The following CTNNA3 variants were observed in gnomAD, a reference collection of about 807,000 sequenced individuals.
CTNNA3 encodes catenin alpha 3, also known as catenin alpha-3.
CTNNA3 carries 76 observed loss-of-function variants against 95.7 expected under a neutral mutation model. That is an observed-to-expected ratio of 0.79 (90% CI 0.66 to 0.96). CTNNA3 has a LOEUF of 0.96. Among genes scored for constraint, CTNNA3 ranks in the 40% least tolerant of loss-of-function variants. The pLI is 0.00. For missense variants in CTNNA3, 1,191 were observed against 1,089.8 expected (o/e 1.09, Z -1.31); for synonymous variants, 431 against 374.4 (o/e 1.15, Z -1.74).
At position 67,152,632 on chromosome 10, in the gene CTNNA3, C is replaced by T. The variant is rs193234035; in HGVS notation, c.1047+27685G>A. 7.9e-5 allele frequency among the ~76,000 whole-genome samples: 12 copies of T among 152,222 alleles called. No homozygotes were observed. The East Asian group carries it at 2.3e-3, about 29-fold the overall frequency. Reference sequence around the variant, plus strand: ...AATGCCTCCCAGTATTATAATTACACATTTTTAATTAAATCTCTGTTGATA... The same window carrying T: ...AATGCCTCCCAGTATTATAATTACATATTTTTAATTAAATCTCTGTTGATA... On this transcript the variant is annotated intron_variant, in intron 7 of 17. Coordinates refer to ENST00000433211, the MANE Select transcript of CTNNA3 (RefSeq NM_013266.4).
intron 17 of CTNNA3, among the ~76,000 whole-genome samples, chr10:65,937,057 A>G (rs57070568): frequency 0.021 from 3,179 of 152,082 alleles, 49 homozygotes; most frequent in African/African-American, 0.04. Context: ...TTTAAGTACT[A>G]TTACAGTAGC....
At chr10:66,034,835 T>C (rs1425642295) in intron 15 of CTNNA3, among the ~76,000 whole-genome samples, 1 of 152,184 alleles carries the variant, frequency 6.6e-6, no homozygotes, top group East Asian at 1.9e-4. Flanking sequence ...AGAAAATGAA[T>C]GGTGTACCTG....
intron 12 of CTNNA3, among the ~76,000 whole-genome samples, chr10:66,296,226 G>T (rs373363213): frequency 2.6e-5 from 4 of 152,040 alleles, no homozygotes; most frequent in South Asian, 2.1e-4. Flanking sequence ...TATAGGAAGA[G>T]GCAAGTAGAT....
intron 1 of CTNNA3, among the ~76,000 whole-genome samples, chr10:67,762,201 AAAG>A (rs71006160): frequency 0.47 from 60,451 of 129,310 alleles, 15,057 homozygotes; most frequent in Non-Finnish European, 0.63. Flanking sequence ...AAAAAAAAAA[AAAG>A]ATTATTTCAC....
chr10:66,983,046 C>T (rs1220371372), intron 7 of CTNNA3, among the ~76,000 whole-genome samples: 4 of 152,128 alleles, frequency 2.6e-5, no homozygotes, highest in African/African-American at 9.7e-5. Flanking sequence ...CAGCGACTGC[C>T]GAACTTCCTG....
intron 12 of CTNNA3, among the ~76,000 whole-genome samples, chr10:66,340,233 T>C (rs1024488698): frequency 2.6e-5 from 4 of 151,802 alleles, no homozygotes; most frequent in South Asian, 4.1e-4. Flanking sequence ...ACAATACTTA[T>C]AGCATCCAAA....
At chr10:67,190,301 T>C (rs573803749) in intron 6 of CTNNA3, among the ~76,000 whole-genome samples, 21 of 152,162 alleles carry the variant, frequency 1.4e-4, no homozygotes, top group South Asian at 8.3e-4. Flanking sequence ...GGATGATATA[T>C]ATAATGATAT....
At chr10:67,398,708 A>G (rs1240473446) in intron 5 of CTNNA3, among the ~76,000 whole-genome samples, 1 of 152,128 alleles carries the variant, frequency 6.6e-6, no homozygotes. Flanking sequence ...CCCACGTGTC[A>G]TGGGAGGGTA....
At chr10:67,003,770 G>T (rs1488924530) in intron 7 of CTNNA3, among the ~76,000 whole-genome samples, 5 of 152,166 alleles carry the variant, frequency 3.3e-5, no homozygotes, top group Admixed American at 3.3e-4. Context: ...GTTAACTGGA[G>T]AAATCAATAC....
chr10:67,513,397 A>C (rs1259940203), intron 5 of CTNNA3, among the ~76,000 whole-genome samples: 1 of 152,224 alleles, frequency 6.6e-6, no homozygotes, highest in Non-Finnish European at 1.5e-5. Context: ...ACACTCAAAG[A>C]AGTTCACTCC....
Position 67,173,916 on chromosome 10 carries a change from T to C in CTNNA3, c.1047+6401A>G, listed in dbSNP as rs901503841. Reference sequence around the variant, plus strand: ...TGACCTGCCCCACAGGTATTAGAAATCATGGCTGCCTCTGCTGGAAGGCAA... The same window carrying C: ...TGACCTGCCCCACAGGTATTAGAAACCATGGCTGCCTCTGCTGGAAGGCAA... On this transcript the variant is annotated intron_variant, in intron 7 of 17. Transcript: ENST00000433211. 6.4e-4 allele frequency among the ~76,000 whole-genome samples: 97 copies of C among 152,310 alleles called. 2 individuals carry two copies. The highest frequency in any genetic ancestry group is 2.3e-3 in the African/African-American group (94 of 41,570).
Position 67,219,601 on chromosome 10 carries a change from A to G in CTNNA3, c.843+6T>C, listed in dbSNP as rs763455904. On this transcript the variant is annotated splice_donor_region_variant and intron_variant, in intron 6 of 17. Coordinates refer to ENST00000433211, the MANE Select transcript of CTNNA3 (RefSeq NM_013266.4). Reference sequence around the variant, plus strand: ...CAGATCACACTTTATCTTTCTCCCGACTTACCTCCAGCTCATCAAGGGCAC... The same window carrying G: ...CAGATCACACTTTATCTTTCTCCCGGCTTACCTCCAGCTCATCAAGGGCAC... The G allele has an allele frequency of 1.2e-6, 2 of 1,609,086 alleles. No homozygotes were observed. Among genetic ancestry groups the G allele is most frequent in the Non-Finnish European group, 1.7e-6 (2 of 1,176,708 alleles).
intron 5 of CTNNA3, among the ~76,000 whole-genome samples, chr10:67,273,408 C>A (rs1207275713): frequency 1.3e-5 from 2 of 152,054 alleles, no homozygotes; most frequent in African/African-American, 2.4e-5. Context: ...AATTAAACCA[C>A]CATTAGATGC....
chr10:67,584,006 A>G (rs1842522998), intron 3 of CTNNA3, among the ~76,000 whole-genome samples: 1 of 152,100 alleles, frequency 6.6e-6, no homozygotes, highest in Non-Finnish European at 1.5e-5. Context: ...GGGTTTGAAC[A>G]TCCTCCTTTA....
chr10:66,682,297 T>C (rs1212998407), intron 9 of CTNNA3, among the ~76,000 whole-genome samples: 1 of 152,140 alleles, frequency 6.6e-6, no homozygotes, highest in Non-Finnish European at 1.5e-5. Flanking sequence ...CCCAAACCAA[T>C]TAATCTTTTC....
chr10:66,250,227 A>T (rs894276940), intron 13 of CTNNA3, among the ~76,000 whole-genome samples: 1 of 152,114 alleles, frequency 6.6e-6, no homozygotes, highest in African/African-American at 2.4e-5. Context: ...AAATCAATTG[A>T]ATTCGTGGAG....
At chr10:67,737,014 A>G (rs1157355384) in intron 1 of CTNNA3, among the ~76,000 whole-genome samples, 2 of 151,918 alleles carry the variant, frequency 1.3e-5, no homozygotes, top group East Asian at 3.9e-4. Context: ...CCCAGCCTGG[A>G]GTGCAATGGC....
chr10:67,134,363 C>G (rs1860187923), intron 7 of CTNNA3, among the ~76,000 whole-genome samples: 1 of 152,062 alleles, frequency 6.6e-6, no homozygotes, highest in South Asian at 2.1e-4. Context: ...CCATGATGAG[C>G]TCTGCTACAG....
At chr10:66,460,287 A>G (rs1210066756) in intron 11 of CTNNA3, among the ~76,000 whole-genome samples, 2 of 152,216 alleles carry the variant, frequency 1.3e-5, no homozygotes, top group African/African-American at 4.8e-5. Flanking sequence ...AACTTGTGCC[A>G]GAATGTAAAT....
Sources: gnomAD v4.1 joint callset for allele counts (sites outside exome capture counted in the v4.1 genomes callset) on GRCh38, gnomAD v4.1.1 for gene constraint, MANE v1.5 for transcripts, NCBI Gene and HGNC (gene_info 2026-07-23, HGNC 2026-07-21) for gene names.